Variants in MOXD1 observed in about 807,000 individuals in gnomAD.
MOXD1 encodes DBH-like monooxygenase protein 1.
Under a neutral mutation model 66.6 loss-of-function variants are expected in MOXD1, and 62 were observed. That is an observed-to-expected ratio of 0.93 (90% confidence interval 0.76 to 1.15). The LOEUF (loss-of-function observed/expected upper bound fraction) is 1.15, where lower values mean the gene tolerates loss of function less well. MOXD1 is among the 50% of genes most tolerant of loss of function. The pLI is 0.00. For missense variants in MOXD1, 847 were observed against 754.6 expected, an observed-to-expected ratio of 1.12 and a Z score of -1.44; for synonymous variants, 303 against 281.9, an observed-to-expected ratio of 1.07 and a Z score of -0.75.
At chr6:132,330,964 G>GA (rs1347884565) in intron 4 of MOXD1, among the ~76,000 whole-genome samples, 5 of 152,086 alleles carry the variant, frequency 3.3e-5, no homozygotes, top group Non-Finnish European at 7.4e-5. Flanking sequence ...CACATTCATG[G>GA]AAAAAACATT....
In MOXD1 at chr6:132,397,633, AG is replaced by A. The variant is rs1341824847; in HGVS notation, c.264+3529del. Among the ~76,000 whole-genome samples the A allele has an allele frequency of 4.9e-3, 587 of 120,998 alleles. 2 individuals carry two copies. Among genetic ancestry groups the A allele is most frequent in the African/African-American group, 0.012 (319 of 26,240 alleles). 79.4% of individuals were successfully genotyped at this position (120,998 alleles called of 152,430 possible). The stretch of plus-strand genomic sequence containing the variant: ...CTCACAGAGAGAGAGAGAGAGAGAG[AG>A]ACAGAAAGAAAGAAAGAAAGAAAGA... On this transcript the variant is annotated intron_variant, in intron 1 of 11. Transcript: ENST00000367963.
At chr6:132,376,977 T>C (rs1437745270) in intron 1 of MOXD1, among the ~76,000 whole-genome samples, 6 of 152,236 alleles carry the variant, frequency 3.9e-5, no homozygotes. Context: ...TTACAGCTAG[T>C]AAACCGAAAG....
chr6:132,303,806 C>CGTGTGTGTGTGTGT lies in MOXD1; in HGVS notation c.1509-5852_1509-5851insACACACACACACAC, dbSNP rs1562276293. ...ACACATATATACATATATACACACA[C>CGTGTGTGTGTGTGT]ATGTGTGTGTGTGTGTGTGTGTGTG... On this transcript the variant is annotated intron_variant, in intron 10 of 11. Coordinates refer to ENST00000367963, the MANE Select transcript of MOXD1 (RefSeq NM_015529.4). Among the ~76,000 whole-genome samples, 19 of 91,328 alleles carry CGTGTGTGTGTGTGT rather than the reference C, an allele frequency of 2.1e-4. No individual in the cohort carries two copies. The South Asian group carries it at 3.5e-3, about 17-fold the overall frequency. The allele number at this position is 91,328 out of a possible 152,430, so 59.9% of individuals were successfully genotyped here. A position where few individuals can be genotyped will look rare whatever the true frequency, so the allele number is the denominator to read the frequency against.
intron 4 of MOXD1, among the ~76,000 whole-genome samples, chr6:132,340,193 C>T (rs1385341710): frequency 9.9e-5 from 15 of 152,020 alleles, no homozygotes; most frequent in Non-Finnish European, 2.2e-4. Flanking sequence ...AAAGCTACAG[C>T]TCTTGAAATA....
chr6:132,320,845 C>T (rs781345888), intron 8 of MOXD1, among the ~76,000 whole-genome samples, 157 bp from the exon 9 acceptor site: 3 of 152,214 alleles, frequency 2.0e-5, no homozygotes, highest in Non-Finnish European at 4.4e-5. Context: ...TCTAGGTTTG[C>T]TGATATAACA....
chr6:132,328,529 G>T lies in MOXD1; in HGVS notation c.729C>A (p.Ser243Arg). The change falls in exon 5 of 12, where the codon AGC (serine) becomes AGA (arginine). Residue 243 changes from serine (S) to arginine (R), a missense_variant. Ser to Arg is a moderately radical substitution (Grantham distance 110, BLOSUM62 -1). Transcript: ENST00000367963. ...CCAGAACGCTGTCGTTAAAGTTGTT[G>T]CTGCACTGATAGAGCAGGATGTGGT... ...LVHHILLYQC[S>R]NNFNDSVLES... 4 of 1,614,130 alleles carry T rather than the reference G, an allele frequency of 2.5e-6. No individual in the cohort carries two copies. The highest frequency in any genetic ancestry group is 3.4e-6 in the Non-Finnish European group (4 of 1,180,014).
chr6:132,324,088 TC>T lies in MOXD1; in HGVS notation c.955del (p.Asp319IlefsTer5). 10 of 1,613,010 alleles carry T rather than the reference TC, an allele frequency of 6.2e-6. No individual in the cohort carries two copies. The highest frequency in any genetic ancestry group is 8.5e-6 in the Non-Finnish European group (10 of 1,179,470). On this transcript the variant is annotated frameshift_variant, in exon 7 of 12. Coordinates refer to ENST00000367963, the MANE Select transcript of MOXD1 (RefSeq NM_015529.4). LOFTEE classifies it high-confidence loss of function. ...GTAAAATAACCTCAGTCCAGAATTA[TC>T]TATTAAGCCTAGAACAAAAGCACAT... ...DNPTYEEGLI[D>X]NSGLRLFYTM...
At chr6:132,385,878 C>T (rs548869812) in intron 1 of MOXD1, among the ~76,000 whole-genome samples, 4 of 151,622 alleles carry the variant, frequency 2.6e-5, no homozygotes, top group East Asian at 2.0e-4. Context: ...CTGAGGCGGG[C>T]GGATCACGAG....
intron 7 of MOXD1, 75 bp downstream of exon 7, chr6:132,323,856 G>C (rs867894951): frequency 3.5e-6 from 5 of 1,411,602 alleles, no homozygotes; most frequent in Non-Finnish European, 9.4e-7. Context: ...AAACATGTGC[G>C]GAATTTTTCA....
intron 11 of MOXD1, among the ~76,000 whole-genome samples, chr6:132,297,524 C>G (rs1163978701): frequency 1.3e-5 from 2 of 152,120 alleles, no homozygotes; most frequent in African/African-American, 4.8e-5. Flanking sequence ...GAATACAAAG[C>G]AGGCTCTATT....
chr6:132,384,846 G>C (rs1382110722), intron 1 of MOXD1, among the ~76,000 whole-genome samples: 1 of 152,180 alleles, frequency 6.6e-6, no homozygotes, highest in Non-Finnish European at 1.5e-5. Flanking sequence ...CCATTGTAGG[G>C]AGCTATAAGC....
chr6:132,386,156 G>A lies in MOXD1; in HGVS notation c.265-11379C>T, dbSNP rs111873188. On this transcript the variant is annotated intron_variant, in intron 1 of 11. Transcript: ENST00000367963. ...GGTGGCTCACGCCTGTAATCCCAGC[G>A]CTTTGGGAGGCCGAGGCGGGCGGAT... is the stretch of plus-strand genomic sequence containing the variant. 4.1e-3 allele frequency among the ~76,000 whole-genome samples: 487 copies of A among 120,076 alleles called. 20 individuals carry two copies. Among genetic ancestry groups the A allele is most frequent in the African/African-American group, 0.014 (446 of 30,882 alleles). The allele number at this position is 120,076 out of a possible 152,430, so 78.8% of individuals were successfully genotyped here.
At position 132,340,638 on chromosome 6, in the gene MOXD1, A is replaced by ATTTTTTTTTTTTTTTTTTTT. The variant is rs869205496; in HGVS notation, c.664-12064_664-12045dup. Reference sequence around the variant, plus strand: ...ACAACATGCTAAAACAACAAGACTCATTTTTTTTTTTTTTTTTTTTTTTTT... The same window carrying ATTTTTTTTTTTTTTTTTTTT: ...ACAACATGCTAAAACAACAAGACTCATTTTTTTTTTTTTTTTTTTTTTTTTTTTTTTTTTTTTTTTTTTTT... On this transcript the variant is annotated intron_variant, in intron 4 of 11. Transcript: ENST00000367963. Among the ~76,000 whole-genome samples the ATTTTTTTTTTTTTTTTTTTT allele has an allele frequency of 2.6e-4, 26 of 98,780 alleles. 5 individuals carry two copies. The highest frequency in any genetic ancestry group is 1.2e-3 in the African/African-American group (26 of 22,558). 64.8% of individuals were successfully genotyped at this position (98,780 alleles called of 152,430 possible).
At chr6:132,395,911 C>T (rs558600862) in intron 1 of MOXD1, among the ~76,000 whole-genome samples, 3 of 152,220 alleles carry the variant, frequency 2.0e-5, no homozygotes, top group Admixed American at 6.5e-5. Context: ...ATTATTAGAT[C>T]TAAAGGGAGT....
chr6:132,317,173 A>G (rs1452788312), intron 9 of MOXD1, among the ~76,000 whole-genome samples: 1 of 152,174 alleles, frequency 6.6e-6, no homozygotes, highest in African/African-American at 2.4e-5. Flanking sequence ...GCAACTGCCA[A>G]CCAAGAATTC....
In MOXD1 at chr6:132,322,766, C is replaced by G. The variant is rs758874823; in HGVS notation, c.1218G>C (p.Lys406Asn). The G allele has an allele frequency of 1.9e-6, 3 of 1,614,042 alleles. No individual in the cohort carries two copies. The highest frequency in any genetic ancestry group is 1.7e-6 in the Non-Finnish European group (2 of 1,179,990). ...CATCATAGGCAAGTAATTTCATTTC[C>G]TTCCCTTTTCGAAAATGACGCAGCC... ...GIRLRHFRKGKEMKLLAYDDD... is the reference protein window; with the variant it reads ...GIRLRHFRKGNEMKLLAYDDD... Residue 406 changes from lysine (K) to asparagine (N), a missense_variant, in exon 8 of 12, where the codon AAG becomes AAC. Lys to Asn is a moderately conservative substitution (Grantham distance 94). Coordinates refer to ENST00000367963, the MANE Select transcript of MOXD1 (RefSeq NM_015529.4).
At position 132,320,618 on chromosome 6, in the gene MOXD1, A is replaced by T; in HGVS notation, c.1365+11T>A. 1.3e-6 allele frequency: 2 copies of T among 1,594,138 alleles called. No homozygotes were observed. The highest frequency in any genetic ancestry group is 1.7e-6 in the Non-Finnish European group (2 of 1,169,976). ...ATAAATGAACTTTAATAATAATAAA[A>T]GTTTTCTTACCCAAGTCATCTCAGC... On this transcript the variant is annotated intron_variant, in intron 9 of 11. Coordinates refer to ENST00000367963, the MANE Select transcript of MOXD1 (RefSeq NM_015529.4).
chr6:132,394,241 C>G (rs965370682), intron 1 of MOXD1, among the ~76,000 whole-genome samples: 2 of 152,146 alleles, frequency 1.3e-5, no homozygotes, highest in African/African-American at 4.8e-5. Flanking sequence ...AGAGACTATA[C>G]AACCACCCAC....
At chr6:132,321,622 C>T (rs1775079934) in intron 8 of MOXD1, among the ~76,000 whole-genome samples, 1 of 152,168 alleles carries the variant, frequency 6.6e-6, no homozygotes, top group Non-Finnish European at 1.5e-5. Flanking sequence ...TAAATTTGAC[C>T]TCCCTGCACG....
Sources: allele counts gnomAD v4.1 joint callset (sites outside exome capture counted in the v4.1 genomes callset), GRCh38; gene constraint gnomAD v4.1.1; transcripts MANE v1.5; gene names NCBI Gene and HGNC (gene_info 2026-07-23, HGNC 2026-07-21).